The following MCTP2 variants were observed in gnomAD, a reference collection of about 807,000 sequenced individuals.
The protein encoded by MCTP2 is multiple C2 and transmembrane domain-containing protein 2.
A neutral mutation model predicts 111.6 loss-of-function variants in MCTP2; 132 were observed. That is an observed-to-expected ratio of 1.18 (90% CI 1.03 to 1.37). The LOEUF (loss-of-function observed/expected upper bound fraction) is 1.37, where lower values mean the gene tolerates loss of function less well. Ranked by LOEUF, MCTP2 falls within the 40% of genes most tolerant of loss-of-function variation. The pLI is 0.00. For missense variants in MCTP2, 1,183 were observed against 1,067.9 expected (o/e 1.11, Z -1.50); for synonymous variants, 395 against 387.7 (o/e 1.02, Z -0.22).
chr15:94,245,221 T>C (rs2071742841), intron 1 of MCTP2, among the ~76,000 whole-genome samples: 2 of 120,746 alleles, frequency 1.7e-5, no homozygotes, highest in African/African-American at 5.2e-5. Flanking sequence ...CATATGTGTA[T>C]ATATACATAT....
chr15:94,276,636 T>C (rs2074224063), intron 1 of MCTP2, among the ~76,000 whole-genome samples: 1 of 115,204 alleles, frequency 8.7e-6, no homozygotes, highest in Admixed American at 8.5e-5. Context: ...TCAGCAATGG[T>C]ATTTTTAAAA....
At chr15:94,313,408 T>C (rs1472970937) in intron 2 of MCTP2, among the ~76,000 whole-genome samples, 8 of 151,992 alleles carry the variant, frequency 5.3e-5, no homozygotes, top group Non-Finnish European at 1.2e-4. Context: ...ATTTTAAAAT[T>C]GGGAAACATA....
intron 8 of MCTP2, among the ~76,000 whole-genome samples, chr15:94,346,305 G>A (rs998016989): frequency 6.6e-6 from 1 of 152,012 alleles, no homozygotes; most frequent in Non-Finnish European, 1.5e-5. Context: ...ATTCTCATAA[G>A]GTGTCTTGTT....
At chr15:94,466,638 G>C (rs1046061533) in intron 20 of MCTP2, among the ~76,000 whole-genome samples, 1 of 152,020 alleles carries the variant, frequency 6.6e-6, no homozygotes. Context: ...TTCCCCTCGT[G>C]CCCCCAATCT....
intron 4 of MCTP2, among the ~76,000 whole-genome samples, chr15:94,324,519 C>T (rs140985326): frequency 6.6e-6 from 1 of 152,160 alleles, no homozygotes; most frequent in Non-Finnish European, 1.5e-5. Flanking sequence ...GTTTGATGGT[C>T]TTTTTTGATG....
At position 94,402,937 on chromosome 15, in the gene MCTP2, A is replaced by G. The variant is rs1280247976; in HGVS notation, c.2085+918A>G. On this transcript the variant is annotated intron_variant, in intron 17 of 22. Coordinates refer to ENST00000357742, the MANE Select transcript of MCTP2 (RefSeq NM_001385001.1). ...GTTCTGCTTCTGTTTTCTACTGCCA[A>G]TATATGCTGAATGTTCTCTCTTAGC... 5.7e-6 allele frequency: 6 copies of G among 1,050,990 alleles called. No individual in the cohort carries two copies. The East Asian group carries it at 3.6e-4, about 62-fold the overall frequency. The allele number at this position is 1,050,990 out of a possible 1,614,324, so 65.1% of individuals were successfully genotyped here.
chr15:94,470,394 AC>A lies in MCTP2; in HGVS notation c.2424del (p.Ile809SerfsTer13), dbSNP rs1389144980. The A allele has an allele frequency of 8.1e-6, 13 of 1,614,008 alleles. No individual in the cohort carries two copies. The highest frequency in any genetic ancestry group is 1.0e-5 in the Non-Finnish European group (12 of 1,179,864). The part of the protein sequence containing the change: ...SLACLILAAA[T>X]IILYFIPLRY... Reference sequence around the variant, plus strand: ...GGCCTGTTTGATTCTGGCAGCAGCCACCATCATTTTGTATTTCATTCCACTG... The same window carrying A: ...GGCCTGTTTGATTCTGGCAGCAGCCACATCATTTTGTATTTCATTCCACTG... On this transcript the variant is annotated frameshift_variant, in exon 21 of 23. Coordinates refer to ENST00000357742, the MANE Select transcript of MCTP2 (RefSeq NM_001385001.1). LOFTEE classifies it high-confidence loss of function.
At position 94,315,578 on chromosome 15, in the gene MCTP2, C is replaced by T. The variant is rs571941802; in HGVS notation, c.578C>T (p.Ala193Val). Residue 193 changes from alanine (A) to valine (V), a missense_variant, in exon 4 of 23, where the codon GCG becomes GTG. Coordinates refer to ENST00000357742, the MANE Select transcript of MCTP2 (RefSeq NM_001385001.1). ...DGLSNLPSPF[A>V]YLLTIHLKEG... is the part of the protein sequence containing the mutation. ...TTGAGTAACCTCCCCAGCCCTTTTG[C>T]GTACCTCCTCACCATACACCTGAAG... The T allele has an allele frequency of 1.9e-5, 31 of 1,614,128 alleles. 1 individual carries two copies. The highest frequency in any genetic ancestry group is 1.6e-4 in the South Asian group (15 of 91,064).
At chr15:94,333,223 G>A (rs1020692066) in intron 4 of MCTP2, among the ~76,000 whole-genome samples, 2 of 152,166 alleles carry the variant, frequency 1.3e-5, no homozygotes, top group Admixed American at 6.5e-5. Context: ...GAGCCACAGA[G>A]CAAGTCTCCG....
intron 17 of MCTP2, among the ~76,000 whole-genome samples, chr15:94,411,728 T>G (rs573562162): frequency 1.2e-4 from 18 of 152,308 alleles, no homozygotes; most frequent in African/African-American, 4.3e-4. Flanking sequence ...TTATAAAGCC[T>G]GATCATCCCC....
chr15:94,428,958 A>G (rs997633190), intron 17 of MCTP2, among the ~76,000 whole-genome samples: 4 of 152,146 alleles, frequency 2.6e-5, no homozygotes, highest in African/African-American at 9.7e-5. Context: ...CATCCTGACA[A>G]TTGTATTACA....
chr15:94,283,875 A>G (rs950295743), intron 1 of MCTP2, among the ~76,000 whole-genome samples: 1 of 152,172 alleles, frequency 6.6e-6, no homozygotes, highest in African/African-American at 2.4e-5. Flanking sequence ...AAATTGATAC[A>G]TTGAACTCAC....
chr15:94,245,143 TAC>T (rs2071715962), intron 1 of MCTP2, among the ~76,000 whole-genome samples: 1 of 148,720 alleles, frequency 6.7e-6, no homozygotes. Flanking sequence ...TATATATTTA[TAC>T]ACACATGTTT....
intron 10 of MCTP2, among the ~76,000 whole-genome samples, chr15:94,366,823 G>T (rs188787837): frequency 2.0e-5 from 3 of 152,300 alleles, no homozygotes; most frequent in African/African-American, 7.2e-5. Context: ...AGAGTTGTCA[G>T]TGTTAAGGCA....
chr15:94,440,032 T>A, intron 17 of MCTP2, 144 bp from the exon 18 acceptor site: 1 of 870,796 alleles, frequency 1.1e-6, no homozygotes, highest in South Asian at 1.7e-5. Context: ...TTGATCATTG[T>A]GTGTGTGCGT....
chr15:94,478,359 G>C (rs78921268), intron 22 of MCTP2, among the ~76,000 whole-genome samples: 3 of 152,220 alleles, frequency 2.0e-5, no homozygotes, highest in Admixed American at 1.3e-4. Context: ...AAGATCCTCC[G>C]TGTATCGCCA....
chr15:94,285,517 T>TA (rs950577043), intron 1 of MCTP2, among the ~76,000 whole-genome samples: 9 of 151,250 alleles, frequency 6.0e-5, no homozygotes, highest in Non-Finnish European at 1.3e-4. Context: ...ACAATTTATT[T>TA]TTTTTTGTTG....
intron 12 of MCTP2, among the ~76,000 whole-genome samples, chr15:94,380,408 G>A (rs990813807): frequency 1.3e-5 from 2 of 152,176 alleles, no homozygotes; most frequent in African/African-American, 4.8e-5. Context: ...AATTGCTTAG[G>A]TGGTCATTGT....
At chr15:94,375,643 A>G in intron 12 of MCTP2, among the ~76,000 whole-genome samples, 1 of 152,214 alleles carries the variant, frequency 6.6e-6, no homozygotes, top group Non-Finnish European at 1.5e-5. Flanking sequence ...TCCTCTTGAT[A>G]TCTTGGTAAT....
Sources: gnomAD v4.1 joint callset for allele counts (sites outside exome capture counted in the v4.1 genomes callset) on GRCh38, gnomAD v4.1.1 for gene constraint, MANE v1.5 for transcripts, NCBI Gene and HGNC (gene_info 2026-07-23, HGNC 2026-07-21) for gene names.